The following FARS2 variants were observed in gnomAD, a reference collection of about 807,000 sequenced individuals.
FARS2 encodes phenylalanine--tRNA ligase, mitochondrial.
In FARS2, 40 loss-of-function variants were observed where a neutral mutation model predicts 46.4. The observed-to-expected ratio is 0.86, with a 90% CI of 0.67 to 1.12. FARS2 has a LOEUF of 1.12. FARS2 is among the 50% of genes most tolerant of loss of function. The pLI is 0.00. For missense variants in FARS2, 513 were observed against 567.9 expected, an observed-to-expected ratio of 0.90 and a Z score of 0.98; for synonymous variants, 234 against 214.9, an observed-to-expected ratio of 1.09 and a Z score of -0.78.
chr6:5,272,849 A>G (rs1372039259), intron 1 of FARS2, among the ~76,000 whole-genome samples: 1 of 152,142 alleles, frequency 6.6e-6, no homozygotes, highest in Non-Finnish European at 1.5e-5. Context: ...CCACCAGTCT[A>G]TTCTCTCTTT....
rs113205794 is a variant in FARS2, at chr6:5,479,358, G to C, written c.904+48186G>C. On this transcript the variant is annotated intron_variant, in intron 4 of 6. Coordinates refer to ENST00000274680, the MANE Select transcript of FARS2 (RefSeq NM_006567.5). ...CATTCCAGGAGATACCACAGTGGGA[G>C]AGGCAACATGACATAGAGTGCATTT... is the stretch of plus-strand genomic sequence containing the variant. Among the ~76,000 whole-genome samples, 1,042 of 152,312 alleles carry C rather than the reference G, an allele frequency of 6.8e-3. 18 individuals carry two copies. The highest frequency in any genetic ancestry group is 0.024 in the African/African-American group (998 of 41,564).
At chr6:5,567,444 A>T (rs1490273814) in intron 5 of FARS2, among the ~76,000 whole-genome samples, 1 of 152,264 alleles carries the variant, frequency 6.6e-6, no homozygotes, top group Non-Finnish European at 1.5e-5. Flanking sequence ...AATTGCTGCC[A>T]GTACAGATTA....
At chr6:5,517,719 A>T (rs1768896275) in intron 4 of FARS2, among the ~76,000 whole-genome samples, 1 of 152,210 alleles carries the variant, frequency 6.6e-6, no homozygotes, top group South Asian at 2.1e-4. Flanking sequence ...AATTTTCCAA[A>T]TTAAATACAT....
At chr6:5,662,512 A>G (rs1777898198) in intron 6 of FARS2, among the ~76,000 whole-genome samples, 1 of 152,156 alleles carries the variant, frequency 6.6e-6, no homozygotes, top group Non-Finnish European at 1.5e-5. Flanking sequence ...CCTTCTCTGG[A>G]TGAAGCCCTG....
intron 4 of FARS2, among the ~76,000 whole-genome samples, chr6:5,457,332 G>A (rs767665019): frequency 1.4e-4 from 21 of 152,066 alleles, no homozygotes; most frequent in Admixed American, 1.4e-3. Flanking sequence ...CCCAATTCTC[G>A]GCCACTGGGA....
At chr6:5,615,405 T>C (rs1223586120) in intron 6 of FARS2, among the ~76,000 whole-genome samples, 1 of 152,222 alleles carries the variant, frequency 6.6e-6, no homozygotes, top group Non-Finnish European at 1.5e-5. Flanking sequence ...CCATCTGTAG[T>C]TACTTTGCTT....
At chr6:5,752,722 C>CAG (rs938758641) in intron 6 of FARS2, among the ~76,000 whole-genome samples, 6 of 152,174 alleles carry the variant, frequency 3.9e-5, no homozygotes, top group African/African-American at 1.4e-4. Flanking sequence ...GCTGAGGAGC[C>CAG]AGAGAGAGAT....
At chr6:5,408,501 A>G (rs1562018997) in intron 3 of FARS2, among the ~76,000 whole-genome samples, 1 of 152,198 alleles carries the variant, frequency 6.6e-6, no homozygotes. Flanking sequence ...ACGGTAGTGT[A>G]GAATCAGAAA....
At chr6:5,345,022 C>T (rs911932526) in intron 1 of FARS2, among the ~76,000 whole-genome samples, 2 of 151,852 alleles carry the variant, frequency 1.3e-5, no homozygotes, top group African/African-American at 4.8e-5. Context: ...GAACTCCTGA[C>T]CTCAGGTGAT....
chr6:5,640,130 C>G (rs1036832454), intron 6 of FARS2, among the ~76,000 whole-genome samples: 1 of 136,684 alleles, frequency 7.3e-6, no homozygotes, highest in East Asian at 2.3e-4. Context: ...TTTGAGGGAA[C>G]TTTTGTCAGG....
intron 6 of FARS2, among the ~76,000 whole-genome samples, chr6:5,636,686 G>A (rs1021516544): frequency 1.3e-5 from 2 of 152,184 alleles, no homozygotes; most frequent in African/African-American, 2.4e-5. Flanking sequence ...TCTGTGCCTC[G>A]CCTTCGTCTG....
At chr6:5,263,699 C>T (rs562389643) in intron 1 of FARS2, among the ~76,000 whole-genome samples, 2 of 152,156 alleles carry the variant, frequency 1.3e-5, no homozygotes, top group African/African-American at 2.4e-5. Context: ...CTTTAGTATT[C>T]ATTTATCAAA....
rs559550039 is a variant in FARS2 at position 5,421,353 on chromosome 6, C to T, written c.773-9688C>T. On this transcript the variant is annotated intron_variant, in intron 3 of 6. Coordinates refer to ENST00000274680, the MANE Select transcript of FARS2 (RefSeq NM_006567.5). ...GAAACCACTTTTTCCTTGTAGGCCT[C>T]CAGGCCTGTGATGAGAAGGGCTGCC... Among the ~76,000 whole-genome samples the T allele has an allele frequency of 3.2e-3, 480 of 152,312 alleles. 2 individuals carry two copies. The highest frequency in any genetic ancestry group is 5.3e-3 in the Non-Finnish European group (362 of 68,036).
In FARS2 at chr6:5,289,727, C is replaced by T. The variant is rs1767372542; in HGVS notation, c.-22+28067C>T. On this transcript the variant is annotated intron_variant, in intron 1 of 6. Transcript: ENST00000274680. ...TGCAAATGAAGACTTGGCCTGTGACCAGTCTGATTTGTTGCAGGAGGGGAC... is the reference window on the plus strand; with the variant it reads ...TGCAAATGAAGACTTGGCCTGTGACTAGTCTGATTTGTTGCAGGAGGGGAC... 3.9e-5 allele frequency among the ~76,000 whole-genome samples: 6 copies of T among 152,270 alleles called. No homozygotes were observed. The South Asian group carries it at 1.2e-3, about 32-fold the overall frequency.
At chr6:5,483,459 C>A (rs957571766) in intron 4 of FARS2, among the ~76,000 whole-genome samples, 1 of 151,980 alleles carries the variant, frequency 6.6e-6, no homozygotes, top group Non-Finnish European at 1.5e-5. Context: ...CCTGAGGTCA[C>A]GAGGTCAAGA....
At chr6:5,431,315 A>G in intron 4 of FARS2, 143 bp downstream of exon 4, 1 of 848,178 alleles carries the variant, frequency 1.2e-6, no homozygotes, top group Non-Finnish European at 1.9e-6. Context: ...TCCCCTCTAG[A>G]TTTGTCTTTG....
intron 4 of FARS2, among the ~76,000 whole-genome samples, chr6:5,475,315 G>A (rs1021724902): frequency 5.9e-5 from 9 of 152,314 alleles, no homozygotes; most frequent in East Asian, 1.9e-4. Flanking sequence ...GAATGTGGGC[G>A]TAGTACTACT....
intron 3 of FARS2, among the ~76,000 whole-genome samples, chr6:5,429,936 T>C (rs1361892212): frequency 6.6e-6 from 1 of 152,146 alleles, no homozygotes; most frequent in Non-Finnish European, 1.5e-5. Flanking sequence ...AATTGCCTTT[T>C]TTTTTTTTCC....
At chr6:5,452,308 A>C (rs1310732686) in intron 4 of FARS2, 1 of 152,298 alleles carries the variant, frequency 6.6e-6, no homozygotes, top group African/African-American at 2.4e-5. Flanking sequence ...AGGGTTTGGA[A>C]TGGGGCACCA....
Sources: gnomAD v4.1 joint callset for allele counts (sites outside exome capture counted in the v4.1 genomes callset) on GRCh38, gnomAD v4.1.1 for gene constraint, MANE v1.5 for transcripts, NCBI Gene and HGNC (gene_info 2026-07-23, HGNC 2026-07-21) for gene names.